The following LRRC8C variants were observed in gnomAD, a reference collection of about 807,000 sequenced individuals.
LRRC8C encodes leucine rich repeat containing 8 VRAC subunit C, also known as volume-regulated anion channel subunit LRRC8C.
A neutral mutation model predicts 55.3 loss-of-function variants in LRRC8C; 20 were observed. The ratio of observed to expected loss-of-function variants is 0.36; its 90% CI spans 0.25 to 0.53. LRRC8C has a LOEUF of 0.53. LRRC8C is among the 20% of genes least tolerant of loss of function. The pLI, the probability that LRRC8C is intolerant of heterozygous loss-of-function variation, is 0.92. For synonymous variants in LRRC8C, 376 were observed against 360.7 expected (o/e 1.04, Z -0.48); for missense variants, 659 against 951.4 (o/e 0.69, Z 4.04).
At chr1:89,664,359 C>T (rs763524994) in intron 1 of LRRC8C, among the ~76,000 whole-genome samples, 9 of 152,098 alleles carry the variant, frequency 5.9e-5, no homozygotes, top group African/African-American at 1.2e-4. Context: ...TTTCTGCATA[C>T]GGCTAGCCAG....
rs71666224 is a variant in LRRC8C, at chr1:89,656,198, A to G, written c.-5+22876A>G. Among the ~76,000 whole-genome samples the G allele has an allele frequency of 1.0e-3, 158 of 152,274 alleles. 2 individuals carry two copies. The highest frequency in any genetic ancestry group is 6.8e-3 in the Middle Eastern group (2 of 294). The stretch of plus-strand genomic sequence containing the variant: ...TCCCTTGAGGGGACATGTTTATCTC[A>G]CAGATTGCAGCTAGTTTCCTCAGCC... On this transcript the variant is annotated intron_variant, in intron 1 of 2. Transcript: ENST00000370454.
intron 1 of LRRC8C, among the ~76,000 whole-genome samples, chr1:89,670,776 G>A (rs1657392296): frequency 6.6e-6 from 1 of 152,150 alleles, no homozygotes; most frequent in African/African-American, 2.4e-5. Context: ...TTTAGATTGT[G>A]AAAGTAAAGG....
chr1:89,660,080 TGA>T lies in LRRC8C; in HGVS notation c.-4-26384_-4-26383del, dbSNP rs1657071731. ...TATTATCCAAGCAGCGTGCTCTTCT[TGA>T]GAGAGGGTGGGCTGTGTGGGGAAGC... is the stretch of plus-strand genomic sequence containing the variant. On this transcript the variant is annotated intron_variant, in intron 1 of 2. Coordinates refer to ENST00000370454, the MANE Select transcript of LRRC8C (RefSeq NM_032270.5). 1.3e-5 allele frequency among the ~76,000 whole-genome samples: 2 copies of T among 152,074 alleles called. 1 individual carries two copies. Among genetic ancestry groups the T allele is most frequent in the East Asian group, 3.8e-4 (2 of 5,202 alleles).
chr1:89,681,534 A>G (rs1373405433), intron 1 of LRRC8C, among the ~76,000 whole-genome samples: 1 of 152,232 alleles, frequency 6.6e-6, no homozygotes, highest in Non-Finnish European at 1.5e-5. Context: ...AAAAGGTTTA[A>G]TGGACTCACA....
chr1:89,706,688 C>T (rs1017645973), intron 2 of LRRC8C, among the ~76,000 whole-genome samples: 4 of 152,128 alleles, frequency 2.6e-5, no homozygotes, highest in Non-Finnish European at 4.4e-5. Context: ...GATTTCTCTT[C>T]CTAGATTCGA....
At chr1:89,638,166 TCA>T (rs1656347823) in intron 1 of LRRC8C, among the ~76,000 whole-genome samples, 1 of 152,098 alleles carries the variant, frequency 6.6e-6, no homozygotes, top group South Asian at 2.1e-4. Context: ...TTCTAAGGAC[TCA>T]GGAGAATAAA....
chr1:89,634,000 G>A (rs1233499656), intron 1 of LRRC8C, among the ~76,000 whole-genome samples: 1 of 152,148 alleles, frequency 6.6e-6, no homozygotes, highest in East Asian at 1.9e-4. Context: ...ATTAGGGATG[G>A]AGTTAGCAAC....
chr1:89,657,630 A>G (rs895739509), intron 1 of LRRC8C, among the ~76,000 whole-genome samples: 1 of 152,008 alleles, frequency 6.6e-6, no homozygotes, highest in East Asian at 1.9e-4. Context: ...AGTCCCAGCT[A>G]CTTGGGAGAC....
the LRRC8C span, among the ~76,000 whole-genome samples, chr1:89,616,046 T>C: frequency 1.3e-5 from 2 of 152,064 alleles, no homozygotes; most frequent in African/African-American, 4.8e-5. Context: ...TGAGACACCA[T>C]CCTAAGCTGC....
intron 1 of LRRC8C, among the ~76,000 whole-genome samples, chr1:89,677,410 T>C (rs1657581347): frequency 1.3e-5 from 2 of 152,244 alleles, no homozygotes; most frequent in South Asian, 4.1e-4. Flanking sequence ...ATCATTTAAA[T>C]GTGTTAATGT....
At chr1:89,681,459 C>G (rs1285602579) in intron 1 of LRRC8C, among the ~76,000 whole-genome samples, 1 of 152,156 alleles carries the variant, frequency 6.6e-6, no homozygotes, top group Non-Finnish European at 1.5e-5. Context: ...TCTGGTACAT[C>G]TGTGTATTAG....
At chr1:89,706,213 A>G (rs147760006) in intron 2 of LRRC8C, 469 of 445,454 alleles carry the variant, frequency 1.1e-3, no homozygotes, top group Admixed American at 2.8e-3. Context: ...ACTTTTCCTG[A>G]GGCACACTCA....
intron 1 of LRRC8C, among the ~76,000 whole-genome samples, chr1:89,673,371 G>A (rs10922695): frequency 0.016 from 2,398 of 152,134 alleles, 56 homozygotes; most frequent in African/African-American, 0.055. Flanking sequence ...GTTTTCAACC[G>A]TTTAAAAAAA....
intron 1 of LRRC8C, among the ~76,000 whole-genome samples, chr1:89,652,528 C>T (rs1175078381): frequency 2.0e-5 from 3 of 152,148 alleles, no homozygotes; most frequent in Non-Finnish European, 4.4e-5. Context: ...GGCTCTCTGT[C>T]ATGGGTTTAG....
chr1:89,693,230 C>T (rs995641493), intron 2 of LRRC8C, among the ~76,000 whole-genome samples: 4 of 152,022 alleles, frequency 2.6e-5, no homozygotes, highest in African/African-American at 4.8e-5. Flanking sequence ...AGCTGATCCC[C>T]GCTTTGATTT....
chr1:89,665,329 T>C (rs1306962124), intron 1 of LRRC8C, among the ~76,000 whole-genome samples: 12 of 152,200 alleles, frequency 7.9e-5, no homozygotes, highest in Admixed American at 7.9e-4. Flanking sequence ...ATTGAGAGTT[T>C]TTAGCATGAA....
chr1:89,623,220 A>G, the LRRC8C span, among the ~76,000 whole-genome samples: 4 of 152,266 alleles, frequency 2.6e-5, no homozygotes, highest in African/African-American at 9.6e-5. Flanking sequence ...GTAACATGGT[A>G]ATTCCTTTTC....
rs143631539 is a variant in LRRC8C, at chr1:89,662,334, T to G, written c.-4-24136T>G. 8.3e-4 allele frequency among the ~76,000 whole-genome samples: 127 copies of G among 152,260 alleles called. 1 individual carries two copies. Among genetic ancestry groups the G allele is most frequent in the African/African-American group, 2.6e-3 (110 of 41,566 alleles). On this transcript the variant is annotated intron_variant, in intron 1 of 2. Coordinates refer to ENST00000370454, the MANE Select transcript of LRRC8C (RefSeq NM_032270.5). ...AGTGTGCAGGAGAGGGCTATGAGAC[T>G]GGTGTGGGGTGGGAGTGAGATTGCA...
At chr1:89,666,970 G>A (rs1657282758) in intron 1 of LRRC8C, among the ~76,000 whole-genome samples, 1 of 152,082 alleles carries the variant, frequency 6.6e-6, no homozygotes, top group Non-Finnish European at 1.5e-5. Flanking sequence ...GCAACTTAGG[G>A]AATGAAAAAG....
Sources: gnomAD v4.1 joint callset for allele counts (sites outside exome capture counted in the v4.1 genomes callset) on GRCh38, gnomAD v4.1.1 for gene constraint, MANE v1.5 for transcripts, NCBI Gene and HGNC (gene_info 2026-07-23, HGNC 2026-07-21) for gene names.